Variants in PLEKHA5 observed in about 807,000 individuals in gnomAD.
PLEKHA5 encodes the protein pleckstrin homology domain-containing family A member 5.
In PLEKHA5, 55 loss-of-function variants were observed where a neutral mutation model predicts 181.9. The observed-to-expected ratio is 0.30, with a 90% CI of 0.24 to 0.38. The LOEUF (loss-of-function observed/expected upper bound fraction) is 0.38. PLEKHA5 is among the 10% of genes least tolerant of loss of function. PLEKHA5 has a pLI of 1.00. For missense variants in PLEKHA5, 1,432 were observed against 1,549.5 expected (o/e 0.92, Z 1.27); for synonymous variants, 535 against 529.4 (o/e 1.01, Z -0.15).
intron 15 of PLEKHA5, among the ~76,000 whole-genome samples, chr12:19,302,816 C>G (rs987860833): frequency 1.3e-5 from 2 of 151,454 alleles, no homozygotes; most frequent in Non-Finnish European, 2.9e-5. Flanking sequence ...CATGCTAGCC[C>G]CATTTCAAGT....
intron 3 of PLEKHA5, among the ~76,000 whole-genome samples, chr12:19,180,613 A>G (rs2151834702): frequency 6.6e-6 from 1 of 152,302 alleles, no homozygotes; most frequent in Non-Finnish European, 1.5e-5. Context: ...AAATTCACCA[A>G]TATGATGACT....
At chr12:19,307,989 AAGAGT>A (rs1172716315) in intron 15 of PLEKHA5, among the ~76,000 whole-genome samples, 1 of 152,174 alleles carries the variant, frequency 6.6e-6, no homozygotes, top group Non-Finnish European at 1.5e-5. Context: ...AAGCAAGAAG[AAGAGT>A]AAAGATAGGG....
At chr12:19,197,676 C>CTGTGTGTGTGTGTGTGTGTGTG (rs3056412) in intron 3 of PLEKHA5, among the ~76,000 whole-genome samples, 4 of 110,930 alleles carry the variant, frequency 3.6e-5, no homozygotes, top group African/African-American at 1.3e-4. Context: ...CTATCCGGTG[C>CTGTGTGTGTGTGTGTGTGTGTG]TGTGTGTGTG....
At chr12:19,173,941 G>A (rs902709277) in intron 3 of PLEKHA5, among the ~76,000 whole-genome samples, 1 of 152,136 alleles carries the variant, frequency 6.6e-6, no homozygotes, top group East Asian at 1.9e-4. Flanking sequence ...TGAAGCTACT[G>A]TTGCTATAGA....
intron 20 of PLEKHA5, among the ~76,000 whole-genome samples, chr12:19,335,734 C>T: frequency 6.6e-6 from 1 of 151,844 alleles, no homozygotes; most frequent in East Asian, 1.9e-4. Flanking sequence ...TAGGTTCAAG[C>T]GATTCTCCCT....
At chr12:19,251,093 A>G (rs2065149222) in intron 3 of PLEKHA5, among the ~76,000 whole-genome samples, 2 of 151,992 alleles carry the variant, frequency 1.3e-5, no homozygotes, top group Non-Finnish European at 2.9e-5. Flanking sequence ...TGCTGGGAGG[A>G]AGGTTATCTG....
intron 31 of PLEKHA5, chr12:19,372,045 G>A (rs1294311223): frequency 1.3e-5 from 2 of 152,056 alleles, no homozygotes; most frequent in Admixed American, 1.3e-4. Flanking sequence ...TCTGTCAGCA[G>A]GCTGGAGTGC....
rs1485802822 is a variant in PLEKHA5 at position 19,130,391 on chromosome 12, C to A, written c.169+261C>A. Among the ~76,000 whole-genome samples, 2 of 151,998 alleles carry A rather than the reference C, an allele frequency of 1.3e-5. No homozygotes were observed. Among genetic ancestry groups the A allele is most frequent in the African/African-American group, 4.8e-5 (2 of 41,416 alleles). On this transcript the variant is annotated intron_variant, in intron 2 of 31. Transcript: ENST00000429027. The surrounding 1 kb of genome is among the most constrained non-coding windows in gnomAD (Gnocchi z 4.5). ...GCCCTCTTCCTGCGCCTTCTCCCCC[C>A]ATCCCAGCCTAGACGACCCTCGCGA...
chr12:19,274,360 C>A, intron 10 of PLEKHA5, 156 bp from the exon 11 acceptor site: 1 of 601,030 alleles, frequency 1.7e-6, no homozygotes, highest in East Asian at 2.7e-5. Context: ...ATGTTAATAT[C>A]ACAGCATTGG....
At position 19,366,024 on chromosome 12, in the gene PLEKHA5, A is replaced by G. The variant is rs771005731; in HGVS notation, c.3669A>G (p.Thr1223=). Residue 1223 remains threonine (T), a synonymous_variant, in exon 30 of 32, where the codon ACA becomes ACG. Coordinates refer to ENST00000429027, the MANE Select transcript of PLEKHA5 (RefSeq NM_001256470.2). Reference sequence around the variant, plus strand: ...CAGAAGAGCATCCTGAAGAAAATACAAAGAACAGTGTTGACGAACAGGAAG... The same window carrying G: ...CAGAAGAGCATCCTGAAGAAAATACGAAGAACAGTGTTGACGAACAGGAAG... ...HKPEEHPEEN[T]KNSVDEQEET... 6.2e-7 allele frequency: 1 copy of G among 1,612,088 alleles called. No individual in the cohort carries two copies. Among genetic ancestry groups the G allele is most frequent in the East Asian group, 2.2e-5 (1 of 44,858 alleles).
At chr12:19,244,917 A>T (rs767694104) in intron 3 of PLEKHA5, among the ~76,000 whole-genome samples, 1 of 152,126 alleles carries the variant, frequency 6.6e-6, no homozygotes, top group Non-Finnish European at 1.5e-5. Context: ...TGGATTTTGG[A>T]TTAAAAAGCA....
At chr12:19,170,458 C>T (rs1390384814) in intron 3 of PLEKHA5, among the ~76,000 whole-genome samples, 13 of 151,414 alleles carry the variant, frequency 8.6e-5, no homozygotes, top group Non-Finnish European at 1.8e-4. Context: ...ACAGAGTCTC[C>T]CTCTGTTGCC....
intron 3 of PLEKHA5, among the ~76,000 whole-genome samples, chr12:19,197,285 G>T (rs969490190): frequency 5.3e-5 from 8 of 152,122 alleles, no homozygotes; most frequent in Non-Finnish European, 7.3e-5. Flanking sequence ...CTCCCATTCA[G>T]ACCAGTCTCT....
At chr12:19,301,785 C>A (rs2081534387) in intron 15 of PLEKHA5, among the ~76,000 whole-genome samples, 1 of 152,110 alleles carries the variant, frequency 6.6e-6, no homozygotes, top group African/African-American at 2.4e-5. Flanking sequence ...ATCTCAATAA[C>A]CCCTTCAGTT....
chr12:19,238,267 T>A (rs1314597007), intron 3 of PLEKHA5, among the ~76,000 whole-genome samples: 3 of 152,124 alleles, frequency 2.0e-5, no homozygotes, highest in African/African-American at 7.2e-5. Context: ...TTGCTGTACA[T>A]ATTTTTTGTG....
intron 3 of PLEKHA5, among the ~76,000 whole-genome samples, chr12:19,168,195 A>G (rs2044991633): frequency 6.6e-6 from 1 of 152,186 alleles, no homozygotes; most frequent in African/African-American, 2.4e-5. Context: ...CTATTCTTAG[A>G]TAATCGGAAG....
chr12:19,310,204 CCT>C (rs1442800456), intron 15 of PLEKHA5, among the ~76,000 whole-genome samples: 1 of 152,166 alleles, frequency 6.6e-6, no homozygotes, highest in Non-Finnish European at 1.5e-5. Flanking sequence ...TTTAGTCTTT[CCT>C]CTGATTCCTT....
chr12:19,345,891 A>G lies in PLEKHA5; in HGVS notation c.2709+3A>G. The G allele has an allele frequency of 7.0e-7, 1 of 1,422,800 alleles. No individual in the cohort carries two copies. The highest frequency in any genetic ancestry group is 1.2e-5 in the South Asian group (1 of 83,900). 88.1% of individuals were successfully genotyped at this position (1,422,800 alleles called of 1,614,324 possible). A position where few individuals can be genotyped will look rare whatever the true frequency, so the allele number is the denominator to read the frequency against. On this transcript the variant is annotated splice_donor_region_variant and intron_variant, in intron 23 of 31. Coordinates refer to ENST00000429027, the MANE Select transcript of PLEKHA5 (RefSeq NM_001256470.2). Reference sequence around the variant, plus strand: ...CAACAGTTAAGTACAAAAATGAGGTAAGTTTGGATTGTTTTTCTAATTATA... The same window carrying G: ...CAACAGTTAAGTACAAAAATGAGGTGAGTTTGGATTGTTTTTCTAATTATA...
intron 29 of PLEKHA5, among the ~76,000 whole-genome samples, chr12:19,363,845 C>T (rs913170176): frequency 1.3e-5 from 2 of 152,004 alleles, no homozygotes; most frequent in Non-Finnish European, 1.5e-5. Flanking sequence ...AACATATTAC[C>T]GGCACTAGAA....
Sources: allele counts gnomAD v4.1 joint callset (sites outside exome capture counted in the v4.1 genomes callset), GRCh38; gene constraint gnomAD v4.1.1; non-coding constraint Gnocchi (gnomAD v3.1); transcripts MANE v1.5; gene names NCBI Gene and HGNC (gene_info 2026-07-23, HGNC 2026-07-21).